Variants in BMERB1 observed in about 807,000 individuals in gnomAD.
The protein encoded by BMERB1 is bMERB domain-containing protein 1.
A neutral mutation model predicts 23.6 loss-of-function variants in BMERB1; 12 were observed. The observed-to-expected ratio is 0.51, with a 90% CI of 0.33 to 0.82. BMERB1 has a LOEUF of 0.82. Ranked by LOEUF, BMERB1 falls within the 40% of genes least tolerant of loss-of-function variation. The pLI is 0.03. For synonymous variants in BMERB1, 122 were observed against 96.6 expected, an observed-to-expected ratio of 1.26 and a Z score of -1.54; for missense variants, 247 against 255.4, an observed-to-expected ratio of 0.97 and a Z score of 0.22.
chr16:15,434,708 C>T lies in BMERB1; in HGVS notation c.55C>T (p.Arg19Cys), dbSNP rs1242569640. The change falls in exon 1 of 6, where the codon CGC becomes TGC. Residue 19 changes from arginine to cysteine, a missense_variant. By Grantham distance (180) the Arg-to-Cys change is radical (BLOSUM62 -3). Coordinates refer to ENST00000300006, the MANE Select transcript of BMERB1 (RefSeq NM_033201.3). ...TCTGGAAGCCGAGAAGCCTCTGAGGCGCTATGGGGCGGTGGAGGAGACGGC... is the reference window on the plus strand; with the variant it reads ...TCTGGAAGCCGAGAAGCCTCTGAGGTGCTATGGGGCGGTGGAGGAGACGGC... ...THLEAEKPLRRYGAVEETAWK... is the reference protein window; with the variant it reads ...THLEAEKPLRCYGAVEETAWK... The T allele has an allele frequency of 1.9e-6, 3 of 1,611,606 alleles. No individual in the cohort carries two copies. Among genetic ancestry groups the T allele is most frequent in the South Asian group, 1.1e-5 (1 of 91,046 alleles).
chr16:15,514,492 A>C (rs1419698689), intron 1 of BMERB1, among the ~76,000 whole-genome samples: 1 of 152,084 alleles, frequency 6.6e-6, no homozygotes, highest in Non-Finnish European at 1.5e-5. Flanking sequence ...TCCACTAGCC[A>C]TCATAACAAA....
chr16:15,511,832 C>T (rs1475543744), intron 1 of BMERB1, among the ~76,000 whole-genome samples: 1 of 151,638 alleles, frequency 6.6e-6, no homozygotes, highest in Non-Finnish European at 1.5e-5. Context: ...GCCAAAATGG[C>T]GAAACCCTGT....
intron 1 of BMERB1, among the ~76,000 whole-genome samples, chr16:15,472,335 C>T (rs1437885118): frequency 6.6e-6 from 1 of 152,222 alleles, no homozygotes; most frequent in Non-Finnish European, 1.5e-5. Context: ...CTACCAGTTG[C>T]TCACAGTGGG....
At chr16:15,561,340 C>T (rs1471615832) in intron 2 of BMERB1, among the ~76,000 whole-genome samples, 2 of 131,808 alleles carry the variant, frequency 1.5e-5, no homozygotes, top group African/African-American at 2.9e-5. Context: ...ATGATCTTGA[C>T]TCACTGCAAC....
chr16:15,508,206 G>A (rs1411964345), intron 1 of BMERB1, among the ~76,000 whole-genome samples: 1 of 152,156 alleles, frequency 6.6e-6, no homozygotes, highest in Non-Finnish European at 1.5e-5. Context: ...GTGCTGGCAT[G>A]TGATAAATGC....
intron 2 of BMERB1, among the ~76,000 whole-genome samples, chr16:15,517,838 ATGTGTAT>A (rs1356478094): frequency 7.4e-6 from 1 of 134,384 alleles, no homozygotes; most frequent in Non-Finnish European, 1.6e-5. Flanking sequence ...GTGTGTGTAT[ATGTGTAT>A]TGTGGATGTG....
intron 2 of BMERB1, among the ~76,000 whole-genome samples, chr16:15,552,036 T>C (rs976052739): frequency 6.6e-6 from 1 of 152,078 alleles, no homozygotes; most frequent in Admixed American, 6.6e-5. Flanking sequence ...AGGGGTAGGG[T>C]TAGGGACACC....
chr16:15,450,771 A>G (rs956447000), intron 1 of BMERB1, among the ~76,000 whole-genome samples: 7 of 152,088 alleles, frequency 4.6e-5, no homozygotes, highest in African/African-American at 1.4e-4. Context: ...ACGCCCGGCC[A>G]TAGCTGGCTT....
chr16:15,434,701 T>C lies in BMERB1; in HGVS notation c.48T>C (p.Pro16=). ...CCACCCATCTGGAAGCCGAGAAGCC[T>C]CTGAGGCGCTATGGGGCGGTGGAGG... is the stretch of plus-strand genomic sequence containing the variant. ...SLSTHLEAEK[P]LRRYGAVEET... Residue 16 remains proline (P), a synonymous_variant, in exon 1 of 6, where the codon CCT becomes CCC. Transcript: ENST00000300006. 6.3e-7 allele frequency: 1 copy of C among 1,596,814 alleles called. No individual in the cohort carries two copies. The highest frequency in any genetic ancestry group is 8.5e-7 in the Non-Finnish European group (1 of 1,170,066).
chr16:15,483,746 G>A, intron 1 of BMERB1, among the ~76,000 whole-genome samples: 2 of 152,144 alleles, frequency 1.3e-5, no homozygotes, highest in East Asian at 3.8e-4. Context: ...GGCAAGTTAT[G>A]TCCCCTTTCT....
chr16:15,494,651 A>C (rs1207655939), intron 1 of BMERB1, among the ~76,000 whole-genome samples: 1 of 152,126 alleles, frequency 6.6e-6, no homozygotes, highest in Non-Finnish European at 1.5e-5. Context: ...GAATAACCAA[A>C]GTCATTCTGG....
chr16:15,532,483 C>T (rs1056184995), intron 2 of BMERB1, among the ~76,000 whole-genome samples: 3 of 151,792 alleles, frequency 2.0e-5, no homozygotes, highest in African/African-American at 7.3e-5. Flanking sequence ...CTGCCTCGGC[C>T]TCCCAAAGTG....
intron 1 of BMERB1, among the ~76,000 whole-genome samples, chr16:15,499,371 C>T (rs1410239155): frequency 5.3e-5 from 8 of 151,736 alleles, no homozygotes; most frequent in African/African-American, 1.9e-4. Flanking sequence ...GCACTCCAGC[C>T]TGGGAGACAG....
intron 1 of BMERB1, among the ~76,000 whole-genome samples, chr16:15,501,143 C>CT (rs899038457): frequency 2.3e-4 from 35 of 151,140 alleles, no homozygotes; most frequent in East Asian, 1.9e-3. Flanking sequence ...TTCTTTTTAT[C>CT]TTTTTTTTTA....
intron 2 of BMERB1, among the ~76,000 whole-genome samples, chr16:15,552,400 A>G (rs2030117663): frequency 6.6e-6 from 1 of 152,062 alleles, no homozygotes; most frequent in Admixed American, 6.6e-5. Flanking sequence ...AGATTGCACC[A>G]CTGCACTCCG....
intron 2 of BMERB1, among the ~76,000 whole-genome samples, chr16:15,567,230 A>AAAT (rs35238155): frequency 0.64 from 96,791 of 151,708 alleles, 32,071 homozygotes; most frequent in African/African-American, 0.83. Flanking sequence ...TTCAAAATAA[A>AAAT]AATGTTTTTA....
intron 1 of BMERB1, among the ~76,000 whole-genome samples, chr16:15,445,091 G>C (rs1245758574): frequency 6.6e-6 from 1 of 152,034 alleles, no homozygotes; most frequent in Non-Finnish European, 1.5e-5. Flanking sequence ...TGGGGTCTTG[G>C]TATGTTGCCC....
chr16:15,519,872 G>A (rs2051828231), intron 2 of BMERB1, among the ~76,000 whole-genome samples: 1 of 152,138 alleles, frequency 6.6e-6, no homozygotes, highest in African/African-American at 2.4e-5. Flanking sequence ...AGGAAGAAGA[G>A]GAGGGAGATT....
At chr16:15,570,294 A>T (rs1259431738) in intron 3 of BMERB1, among the ~76,000 whole-genome samples, 1 of 152,194 alleles carries the variant, frequency 6.6e-6, no homozygotes. Flanking sequence ...GCAGAAAGAG[A>T]CTGGGCCCAG....
Sources: gnomAD v4.1 joint callset for allele counts (sites outside exome capture counted in the v4.1 genomes callset) on GRCh38, gnomAD v4.1.1 for gene constraint, MANE v1.5 for transcripts, NCBI Gene and HGNC (gene_info 2026-07-23, HGNC 2026-07-21) for gene names.